TMTC1: variants seen among roughly 807,000 people sequenced by gnomAD.
The protein encoded by TMTC1 is protein O-mannosyl-transferase TMTC1.
In TMTC1, 73 loss-of-function variants were observed where a neutral mutation model predicts 104.8. That is an observed-to-expected ratio of 0.70 (90% CI 0.58 to 0.85). The LOEUF (loss-of-function observed/expected upper bound fraction) is 0.85, where lower values mean the gene tolerates loss of function less well. Among genes scored for constraint, TMTC1 ranks in the 40% least tolerant of loss-of-function variants. The pLI, the probability that TMTC1 is intolerant of heterozygous loss-of-function variation, is 0.00. For synonymous variants in TMTC1, 434 were observed against 428.7 expected, an observed-to-expected ratio of 1.01 and a Z score of -0.15; for missense variants, 1,035 against 1,096.1, an observed-to-expected ratio of 0.94 and a Z score of 0.79.
chr12:29,569,222 T>TA (rs1945600940), intron 9 of TMTC1, among the ~76,000 whole-genome samples: 2 of 152,018 alleles, frequency 1.3e-5, no homozygotes, highest in Admixed American at 1.3e-4. Context: ...ATTCAAAAAA[T>TA]AAAAAAATTT....
At chr12:29,740,963 G>A (rs1428633017) in intron 5 of TMTC1, among the ~76,000 whole-genome samples, 1 of 152,112 alleles carries the variant, frequency 6.6e-6, no homozygotes, top group African/African-American at 2.4e-5. Flanking sequence ...AAGAAATACT[G>A]CAAATTGTTT....
At chr12:29,722,711 G>T (rs11829388) in intron 5 of TMTC1, among the ~76,000 whole-genome samples, 5,464 of 152,108 alleles carry the variant, frequency 0.036, 197 homozygotes, top group African/African-American at 0.093. Flanking sequence ...CCTGAGGTCA[G>T]GAGTTCAAGA....
rs571576831 is a variant in TMTC1 at position 29,731,711 on chromosome 12, G to A, written c.938+19955C>T. 4.6e-5 allele frequency among the ~76,000 whole-genome samples: 7 copies of A among 152,250 alleles called. 1 individual carries two copies. The South Asian group carries it at 8.3e-4, about 18-fold the overall frequency. On this transcript the variant is annotated intron_variant, in intron 5 of 17. Coordinates refer to ENST00000539277, the MANE Select transcript of TMTC1 (RefSeq NM_001193451.2). Reference sequence around the variant, plus strand: ...TAAATACAAAAAAAGGAAATGAAATGCTGCGATACAGCTATCCAAATGTAC... The same window carrying A: ...TAAATACAAAAAAAGGAAATGAAATACTGCGATACAGCTATCCAAATGTAC...
intron 5 of TMTC1, among the ~76,000 whole-genome samples, chr12:29,674,523 G>GA (rs1279378004): frequency 6.6e-6 from 1 of 152,088 alleles, no homozygotes; most frequent in East Asian, 1.9e-4. Context: ...GGAAGGAAAA[G>GA]AAAAAAAGAA....
At chr12:29,569,032 C>G (rs560348180) in intron 9 of TMTC1, 447 of 455,154 alleles carry the variant, frequency 9.8e-4, no homozygotes, top group Non-Finnish European at 1.7e-3. Context: ...CAAAGCAAAG[C>G]TAACACTTGA....
intron 5 of TMTC1, among the ~76,000 whole-genome samples, chr12:29,638,251 T>C (rs1938654982): frequency 6.6e-6 from 1 of 151,982 alleles, no homozygotes; most frequent in South Asian, 2.1e-4. Context: ...CGGGCACAGA[T>C]ACAAGTGGCT....
chr12:29,627,060 C>G (rs1405366755), intron 6 of TMTC1, among the ~76,000 whole-genome samples: 1 of 151,994 alleles, frequency 6.6e-6, no homozygotes, highest in African/African-American at 2.4e-5. Flanking sequence ...GAGATTGCGC[C>G]ATTGCACTCC....
chr12:29,751,547 T>A, intron 5 of TMTC1, 119 bp downstream of exon 5: 1 of 1,004,834 alleles, frequency 1.0e-6, no homozygotes, highest in Non-Finnish European at 1.6e-6. Flanking sequence ...GAGGGAAGCA[T>A]GAAGAGAGGG....
chr12:29,617,214 C>T (rs116289191), intron 6 of TMTC1, among the ~76,000 whole-genome samples: 1,916 of 152,016 alleles, frequency 0.013, 31 homozygotes, highest in African/African-American at 0.044. Flanking sequence ...CCTCTGCCTA[C>T]AAGAGACACA....
Position 29,502,544 on chromosome 12 carries a change from C to T in TMTC1, c.*4302G>A, listed in dbSNP as rs914530862. 1.3e-5 allele frequency: 2 copies of T among 151,972 alleles called. No homozygotes were observed. The highest frequency in any genetic ancestry group is 2.1e-4 in the South Asian group (1 of 4,826). 9.4% of individuals were successfully genotyped at this position (151,972 alleles called of 1,614,324 possible). A position where few individuals can be genotyped will look rare whatever the true frequency, so the allele number is the denominator to read the frequency against. On this transcript the variant is annotated 3_prime_UTR_variant, in exon 18 of 18. Coordinates refer to ENST00000539277, the MANE Select transcript of TMTC1 (RefSeq NM_001193451.2). Reference sequence around the variant, plus strand: ...AAGGCAATTCCTCTCCATCTGAGAACGAGGAATTGTGTCATTTTAAGGCCA... The same window carrying T: ...AAGGCAATTCCTCTCCATCTGAGAATGAGGAATTGTGTCATTTTAAGGCCA...
intron 5 of TMTC1, among the ~76,000 whole-genome samples, chr12:29,727,417 C>T (rs1465218904): frequency 1.3e-5 from 2 of 152,044 alleles, no homozygotes; most frequent in African/African-American, 4.8e-5. Flanking sequence ...TGCTCTGTTG[C>T]CCAGGCTGGA....
At chr12:29,679,570 T>C (rs16934739) in intron 5 of TMTC1, among the ~76,000 whole-genome samples, 12,012 of 152,074 alleles carry the variant, frequency 0.079, 675 homozygotes, top group South Asian at 0.17. Flanking sequence ...TAACCAACAT[T>C]CATAGTGATG....
intron 5 of TMTC1, among the ~76,000 whole-genome samples, chr12:29,642,440 GCC>G (rs1938895203): frequency 6.6e-6 from 1 of 152,070 alleles, no homozygotes; most frequent in Admixed American, 6.6e-5. Flanking sequence ...CTTATCTTCA[GCC>G]TCCTCAAACA....
intron 5 of TMTC1, among the ~76,000 whole-genome samples, chr12:29,703,417 A>T (rs978637613): frequency 6.6e-6 from 1 of 152,250 alleles, no homozygotes; most frequent in Non-Finnish European, 1.5e-5. Flanking sequence ...AACTTATTTC[A>T]CTGCTAGTTT....
At chr12:29,663,994 C>A (rs1001994290) in intron 5 of TMTC1, among the ~76,000 whole-genome samples, 1 of 151,320 alleles carries the variant, frequency 6.6e-6, no homozygotes. Context: ...GAGACCATCC[C>A]GGCTAAAACG....
chr12:29,626,154 G>C (rs1377211610), intron 6 of TMTC1, among the ~76,000 whole-genome samples: 1 of 152,176 alleles, frequency 6.6e-6, no homozygotes, highest in Non-Finnish European at 1.5e-5. Context: ...AATAAATATT[G>C]AGTGGGGCAA....
chr12:29,622,833 C>A (rs1937747106), intron 6 of TMTC1, among the ~76,000 whole-genome samples: 1 of 152,192 alleles, frequency 6.6e-6, no homozygotes, highest in African/African-American at 2.4e-5. Flanking sequence ...GAGATAAATT[C>A]TACTCTTAAA....
chr12:29,665,816 C>T (rs568271030), intron 5 of TMTC1, among the ~76,000 whole-genome samples: 1 of 152,300 alleles, frequency 6.6e-6, no homozygotes, highest in Admixed American at 6.5e-5. Context: ...TTTTCATCCT[C>T]CACCGTCTCC....
At chr12:29,569,209 A>T (rs1286919586) in intron 9 of TMTC1, among the ~76,000 whole-genome samples, 1 of 152,200 alleles carries the variant, frequency 6.6e-6, no homozygotes, top group Admixed American at 6.5e-5. Context: ...TGACTTCTGC[A>T]TTATTCAAAA....
Sources: gnomAD v4.1 joint callset for allele counts (sites outside exome capture counted in the v4.1 genomes callset) on GRCh38, gnomAD v4.1.1 for gene constraint, MANE v1.5 for transcripts, NCBI Gene and HGNC (gene_info 2026-07-23, HGNC 2026-07-21) for gene names.